Variants in GRHL3 observed in about 807,000 individuals in gnomAD.
GRHL3 encodes the protein grainyhead-like protein 3 homolog.
GRHL3 carries 20 observed loss-of-function variants against 70.3 expected under a neutral mutation model. The ratio of observed to expected loss-of-function variants is 0.28; its 90% confidence interval spans 0.20 to 0.41. The LOEUF is 0.41. Ranked by LOEUF, GRHL3 falls within the 10% of genes least tolerant of loss-of-function variation. The pLI is 1.00. For synonymous variants in GRHL3, 299 were observed against 299.9 expected (o/e 1.00, Z 0.03); for missense variants, 637 against 762.3 (o/e 0.84, Z 1.94).
At chr1:24,325,722 G>C (rs754198961) in intron 1 of GRHL3, among the ~76,000 whole-genome samples, 18 of 152,212 alleles carry the variant, frequency 1.2e-4, no homozygotes, top group Non-Finnish European at 2.2e-4. Flanking sequence ...GTGAACTGGG[G>C]AAAGGTCCCA....
At chr1:24,338,744 G>A (rs144709085) in intron 7 of GRHL3, among the ~76,000 whole-genome samples, 114 of 152,360 alleles carry the variant, frequency 7.5e-4, no homozygotes, top group Middle Eastern at 6.8e-3. Context: ...TGACTTGTCC[G>A]AGAGGCTGGA....
At chr1:24,332,486 G>A (rs542084627) in intron 2 of GRHL3, among the ~76,000 whole-genome samples, 2 of 152,328 alleles carry the variant, frequency 1.3e-5, no homozygotes, top group South Asian at 4.1e-4. Context: ...GCGTGTGCTA[G>A]ACATTGCTAA....
chr1:24,342,243 T>A lies in GRHL3; in HGVS notation c.1176T>A (p.Ala392=). The part of the protein sequence containing the change: ...GLGTERLVHR[A]VCQIKIFCDK... ...GCACTGAGCGCCTGGTACACCGTGC[T>A]GTCTGCCAGATCAAGATCTTCTGTG... The change falls in exon 9 of 16, where the codon GCT becomes GCA. Residue 392 remains alanine (A), a synonymous_variant. Transcript: ENST00000361548. This position sits in a 1 kb window ranked among gnomAD's most constrained non-coding sequence, Gnocchi z 4.8. 6.2e-7 allele frequency: 1 copy of A among 1,611,708 alleles called. No individual in the cohort carries two copies. The highest frequency in any genetic ancestry group is 8.5e-7 in the Non-Finnish European group (1 of 1,178,690).
chr1:24,351,320 G>C (rs546276278), intron 15 of GRHL3, among the ~76,000 whole-genome samples: 9 of 152,184 alleles, frequency 5.9e-5, no homozygotes, highest in African/African-American at 2.2e-4. Context: ...AGCCCTGCCT[G>C]CCTTCCTCCT....
intron 2 of GRHL3, among the ~76,000 whole-genome samples, chr1:24,332,107 T>A (rs1183872570): frequency 2.0e-5 from 3 of 152,182 alleles, no homozygotes; most frequent in African/African-American, 7.2e-5. Flanking sequence ...ATCTTCTTTT[T>A]GCCCCTGTCC....
In GRHL3 at chr1:24,337,780, C is replaced by A; in HGVS notation, c.831C>A (p.Asn277Lys). The part of the protein sequence containing the change: ...AGGKGLALSS[N>K]KVKSVVMVVF... ...GCAAAGGCCTTGCCTTGTCCTCCAA[C>A]AAAGTCAAGGTGCGTTGGCCTGGAG... Residue 277 changes from asparagine to lysine, a missense_variant, in exon 6 of 16, where the codon AAC becomes AAA. Transcript: ENST00000361548. 1 of 1,614,200 alleles carries A rather than the reference C, an allele frequency of 6.2e-7. No individual in the cohort carries two copies. The highest frequency in any genetic ancestry group is 8.5e-7 in the Non-Finnish European group (1 of 1,180,024).
At chr1:24,345,074 C>G (rs11352138) in intron 12 of GRHL3, 143 bp downstream of exon 12, 2 of 48,456 alleles carry the variant, frequency 4.1e-5, no homozygotes, top group South Asian at 1.8e-4. Flanking sequence ...CACACCTGTG[C>G]CCCCTCTACA....
At chr1:24,331,378 A>G (rs1639603155) in intron 1 of GRHL3, 48 bp from the exon 2 acceptor site, 5 of 1,535,958 alleles carry the variant, frequency 3.3e-6, no homozygotes, top group South Asian at 1.3e-5. Flanking sequence ...CCATTCACGG[A>G]CCTTCCTCTG....
chr1:24,349,688 G>C (rs11799686), intron 14 of GRHL3, among the ~76,000 whole-genome samples: 8,891 of 152,260 alleles, frequency 0.058, 840 homozygotes, highest in African/African-American at 0.2. Flanking sequence ...CAGGGAAATG[G>C]TAGATGCTCT....
intron 8 of GRHL3, among the ~76,000 whole-genome samples, chr1:24,340,941 T>C (rs1640012591): frequency 6.6e-6 from 1 of 150,674 alleles, no homozygotes; most frequent in South Asian, 2.1e-4. Context: ...AGGTGCGAGC[T>C]GGGCGGGGGC....
intron 8 of GRHL3, among the ~76,000 whole-genome samples, chr1:24,340,220 C>T (rs145498028): frequency 6.6e-6 from 1 of 152,300 alleles, no homozygotes; most frequent in Admixed American, 6.5e-5. Flanking sequence ...CGTTTCCTGA[C>T]TTCTTGGCCA....
intron 15 of GRHL3, chr1:24,360,950 A>G: frequency 1.2e-6 from 2 of 1,614,098 alleles, no homozygotes; most frequent in Non-Finnish European, 1.7e-6. Flanking sequence ...GGGCCTAAGT[A>G]GTCCACGATC....
At chr1:24,331,389 G>T in intron 1 of GRHL3, 37 bp from the exon 2 acceptor site, 5 of 1,560,012 alleles carry the variant, frequency 3.2e-6, no homozygotes, top group Non-Finnish European at 4.4e-6. Context: ...CCTTCCTCTG[G>T]GATAGCCTAA....
downstream of GRHL3, chr1:24,358,091 C>T: frequency 2.5e-6 from 1 of 399,694 alleles, no homozygotes; most frequent in East Asian, 7.2e-5. Context: ...ATGAGAAAGG[C>T]AGGAGTGAGG....
chr1:24,348,721 T>C (rs1640389424), intron 14 of GRHL3, among the ~76,000 whole-genome samples: 1 of 152,222 alleles, frequency 6.6e-6, no homozygotes, highest in Non-Finnish European at 1.5e-5. Flanking sequence ...AGTTCCTGAG[T>C]TCTTCCTTAG....
At chr1:24,358,529 CT>C, downstream of GRHL3, 1 of 1,609,316 alleles carries the variant, frequency 6.2e-7, no homozygotes, top group Non-Finnish European at 8.5e-7. Flanking sequence ...TCTCCTTGAC[CT>C]TGTGTGACAT....
Position 24,349,977 on chromosome 1 carries a change from G to GT in GRHL3, c.1630-80dup. The GT allele has an allele frequency of 1.2e-5, 13 of 1,047,670 alleles. 1 individual carries two copies. In the South Asian group the frequency reaches 1.9e-4, roughly 15 times the overall value. 64.9% of individuals were successfully genotyped at this position (1,047,670 alleles called of 1,614,324 possible). A position where few individuals can be genotyped will look rare whatever the true frequency, so the allele number is the denominator to read the frequency against. ...TATGTTTTACTTTTGTAATCAGGAA[G>GT]TAAAAAAAGTGATGGCATAAAAGAC... On this transcript the variant is annotated intron_variant, in intron 14 of 15. Coordinates refer to ENST00000361548, the MANE Select transcript of GRHL3 (RefSeq NM_198173.3).
chr1:24,359,343 T>C (rs1394571246), downstream of GRHL3, among the ~76,000 whole-genome samples: 2 of 152,222 alleles, frequency 1.3e-5, no homozygotes, highest in African/African-American at 4.8e-5. The surrounding 1 kb of genome is among the most constrained non-coding windows in gnomAD (Gnocchi z 5.3). Flanking sequence ...TTCCAGAGGA[T>C]GTGGTAGAGC....
chr1:24,329,762 G>A (rs1397774493), intron 1 of GRHL3, among the ~76,000 whole-genome samples: 2 of 152,224 alleles, frequency 1.3e-5, no homozygotes, highest in African/African-American at 4.8e-5. Flanking sequence ...CATGTAGAAA[G>A]GGAGGCACTG....
Sources: gnomAD v4.1 joint callset for allele counts (sites outside exome capture counted in the v4.1 genomes callset) on GRCh38, gnomAD v4.1.1 for gene constraint, Gnocchi (gnomAD v3.1) non-coding constraint, MANE v1.5 for transcripts, NCBI Gene and HGNC (gene_info 2026-07-23, HGNC 2026-07-21) for gene names.